FAM193A: variants seen among roughly 807,000 people sequenced by gnomAD.
FAM193A encodes the protein protein FAM193A.
Under a neutral mutation model 126.5 loss-of-function variants are expected in FAM193A, and 22 were observed. That is an observed-to-expected ratio of 0.17 (90% CI 0.12 to 0.25). The LOEUF (loss-of-function observed/expected upper bound fraction) is 0.25, where lower values mean the gene tolerates loss of function less well. Ranked by LOEUF, FAM193A falls within the 10% of genes least tolerant of loss-of-function variation. The probability of loss-of-function intolerance (pLI) is 1.00; values close to 1 mark genes in which losing one functional copy is unlikely to be tolerated. For synonymous variants in FAM193A, 761 were observed against 646.8 expected (o/e 1.18, Z -2.68); for missense variants, 1,675 against 1,672.8 (o/e 1.00, Z -0.02).
At chr4:2,672,905 G>T (rs929819581) in intron 13 of FAM193A, among the ~76,000 whole-genome samples, 2 of 152,240 alleles carry the variant, frequency 1.3e-5, no homozygotes, top group Non-Finnish European at 2.9e-5. Flanking sequence ...GAGCACTGGG[G>T]AGGGGAGGGT....
At chr4:2,648,432 G>A (rs1745354431) in intron 7 of FAM193A, among the ~76,000 whole-genome samples, 1 of 152,210 alleles carries the variant, frequency 6.6e-6, no homozygotes. Flanking sequence ...TGAGAGAGCA[G>A]TTGCTGTTTT....
chr4:2,615,612 G>GT (rs1314851774), intron 2 of FAM193A, among the ~76,000 whole-genome samples: 2 of 151,026 alleles, frequency 1.3e-5, no homozygotes, highest in Non-Finnish European at 1.5e-5. Context: ...TCTGCCTCCC[G>GT]GGTTCAAGCA....
At chr4:2,655,772 GA>G (rs199859647) in intron 7 of FAM193A, among the ~76,000 whole-genome samples, 10 of 151,016 alleles carry the variant, frequency 6.6e-5, no homozygotes, top group African/African-American at 2.2e-4. Context: ...TCTCTACAAG[GA>G]AAAAAAAATT....
rs532632108 is a variant in FAM193A at position 2,585,837 on chromosome 4, G to A, written c.256-10247G>A. ...TAGCTGCTTGGGAGGCTGAGGCAGG[G>A]ATAATTGCTTGAACCTGGGAGGTGG... On this transcript the variant is annotated intron_variant, in intron 1 of 20. Coordinates refer to ENST00000637812, the MANE Select transcript of FAM193A (RefSeq NM_001366318.2). Among the ~76,000 whole-genome samples the A allele has an allele frequency of 1.8e-3, 267 of 152,262 alleles. 1 individual carries two copies. The highest frequency in any genetic ancestry group is 0.01 in the Middle Eastern group (3 of 294).
chr4:2,693,371 A>C (rs1269901364), intron 15 of FAM193A, among the ~76,000 whole-genome samples: 1 of 152,184 alleles, frequency 6.6e-6, no homozygotes, highest in Non-Finnish European at 1.5e-5. Flanking sequence ...GTTCATACCG[A>C]AGTGTTCAGA....
At chr4:2,728,008 C>T (rs1341671155) in intron 20 of FAM193A, among the ~76,000 whole-genome samples, 2 of 151,600 alleles carry the variant, frequency 1.3e-5, no homozygotes, top group African/African-American at 4.8e-5. Flanking sequence ...CTTGGCTCAC[C>T]GCAACCTCCG....
At chr4:2,681,431 G>C (rs182824402) in intron 13 of FAM193A, among the ~76,000 whole-genome samples, 1 of 152,060 alleles carries the variant, frequency 6.6e-6, no homozygotes, top group African/African-American at 2.4e-5. Context: ...TGTGAAGTTA[G>C]GGAGGGTTTT....
chr4:2,613,813 C>G (rs1262009613), intron 2 of FAM193A, among the ~76,000 whole-genome samples: 1 of 139,424 alleles, frequency 7.2e-6, no homozygotes, highest in Non-Finnish European at 1.5e-5. Context: ...GTAGCCCAGG[C>G]TGGAGTGTAG....
rs1560552804 is a variant in FAM193A at position 2,675,395 on chromosome 4, T to C, written c.2331+3023T>C. On this transcript the variant is annotated intron_variant, in intron 13 of 20. Transcript: ENST00000637812. ...TCATCGGTTTCTCCTTGCACAGTTCTATCAGCTTTTGCCCTACAAAGTTTG... is the reference window on the plus strand; with the variant it reads ...TCATCGGTTTCTCCTTGCACAGTTCCATCAGCTTTTGCCCTACAAAGTTTG... 4.6e-5 allele frequency among the ~76,000 whole-genome samples: 7 copies of C among 152,208 alleles called. 1 individual carries two copies. The highest frequency in any genetic ancestry group is 2.6e-4 in the Admixed American group (4 of 15,274).
intron 12 of FAM193A, among the ~76,000 whole-genome samples, chr4:2,669,155 G>A (rs757325119): frequency 4.6e-5 from 7 of 152,162 alleles, no homozygotes; most frequent in Non-Finnish European, 8.8e-5. Context: ...TATTTATACA[G>A]TGTTTTCTAT....
intron 1 of FAM193A, among the ~76,000 whole-genome samples, chr4:2,568,913 TCTG>T (rs1739124270): frequency 1.3e-5 from 2 of 152,230 alleles, no homozygotes; most frequent in Admixed American, 1.3e-4. Flanking sequence ...TTTAGATCAT[TCTG>T]GATGTTTAAC....
intron 1 of FAM193A, among the ~76,000 whole-genome samples, chr4:2,590,348 C>G (rs1740459517): frequency 6.6e-6 from 1 of 150,650 alleles, no homozygotes; most frequent in Admixed American, 6.6e-5. Flanking sequence ...GCCTGTAGTC[C>G]CAGCTACTTG....
intron 6 of FAM193A, among the ~76,000 whole-genome samples, chr4:2,643,453 T>C (rs768027567): frequency 1.3e-5 from 2 of 152,192 alleles, no homozygotes; most frequent in Non-Finnish European, 2.9e-5. Flanking sequence ...TTTTAACTAG[T>C]GTATATTTCA....
chr4:2,620,622 G>A (rs370855455), intron 2 of FAM193A, among the ~76,000 whole-genome samples: 3 of 152,012 alleles, frequency 2.0e-5, no homozygotes, highest in Non-Finnish European at 2.9e-5. Context: ...TGAGGCAGGC[G>A]GGATCGCCTG....
chr4:2,577,445 G>T (rs1306279366), intron 1 of FAM193A, among the ~76,000 whole-genome samples: 4 of 79,466 alleles, frequency 5.0e-5, no homozygotes, highest in Admixed American at 1.1e-4. Context: ...TTGAGACAGA[G>T]TCTCAGTCTG....
intron 7 of FAM193A, chr4:2,655,119 G>A: frequency 1.4e-6 from 1 of 699,890 alleles, no homozygotes; most frequent in Non-Finnish European, 2.6e-6. Context: ...TCCTGGCTTC[G>A]AGGGGCTGCT....
intron 15 of FAM193A, 27 bp downstream of exon 15, chr4:2,690,997 CG>C: frequency 1.3e-6 from 2 of 1,590,438 alleles, no homozygotes; most frequent in Non-Finnish European, 1.7e-6. Flanking sequence ...CACTGGCCCT[CG>C]GGGTCTGCAG....
At chr4:2,583,006 T>C (rs906984661) in intron 1 of FAM193A, among the ~76,000 whole-genome samples, 11 of 152,152 alleles carry the variant, frequency 7.2e-5, no homozygotes, top group Admixed American at 7.2e-4. Context: ...TTTGCTCTTG[T>C]CTCCCAGGCT....
At chr4:2,592,821 G>T (rs1014981227) in intron 1 of FAM193A, among the ~76,000 whole-genome samples, 1 of 152,210 alleles carries the variant, frequency 6.6e-6, no homozygotes, top group African/African-American at 2.4e-5. Context: ...ATAAGCACAT[G>T]CCTGTGGGGA....
Sources: allele counts gnomAD v4.1 joint callset (sites outside exome capture counted in the v4.1 genomes callset), GRCh38; gene constraint gnomAD v4.1.1; transcripts MANE v1.5; gene names NCBI Gene and HGNC (gene_info 2026-07-23, HGNC 2026-07-21).